Variants in CTNNA2 observed in about 807,000 individuals in gnomAD.
CTNNA2 encodes catenin alpha 2, also known as catenin alpha-2.
In CTNNA2, 42 loss-of-function variants were observed where a neutral mutation model predicts 101.0. The observed-to-expected ratio is 0.42, with a 90% CI of 0.32 to 0.54. CTNNA2 has a LOEUF of 0.54. CTNNA2 is among the 20% of genes least tolerant of loss of function. The pLI, the probability that CTNNA2 is intolerant of heterozygous loss-of-function variation, is 0.14. For missense variants in CTNNA2, 871 were observed against 1,223.1 expected (o/e 0.71, Z 4.29); for synonymous variants, 450 against 456.4 (o/e 0.99, Z 0.18).
rs1475686959 is a variant in CTNNA2 at position 79,207,530 on chromosome 2, G to A, written c.-406+9454G>A. 1.3e-5 allele frequency among the ~76,000 whole-genome samples: 2 copies of A among 152,114 alleles called. 1 individual carries two copies. Among genetic ancestry groups the A allele is most frequent in the East Asian group, 3.9e-4 (2 of 5,184 alleles). ...CTGTAGCCCAAATTACTATTACTTA[G>A]GTTATCACTCCAACACATAAAAATC... On this transcript the variant is annotated intron_variant, in intron 2 of 21. Transcript: ENST00000466387.
chr2:80,634,606 C>G (rs982502194), intron 18 of CTNNA2, among the ~76,000 whole-genome samples: 5 of 151,946 alleles, frequency 3.3e-5, no homozygotes, highest in Admixed American at 3.3e-4. Flanking sequence ...ATATTGAGTT[C>G]ATGTAACAGG....
At chr2:80,092,076 G>A (rs1321956276) in intron 7 of CTNNA2, among the ~76,000 whole-genome samples, 1 of 152,040 alleles carries the variant, frequency 6.6e-6, no homozygotes, top group Admixed American at 6.6e-5. Flanking sequence ...ATTAATAGAT[G>A]TGTGTGTAAA....
chr2:80,081,756 T>C (rs1234975770), intron 7 of CTNNA2, among the ~76,000 whole-genome samples: 1 of 145,248 alleles, frequency 6.9e-6, no homozygotes, highest in Non-Finnish European at 1.5e-5. Context: ...TCTCTTGCTC[T>C]CTTTCTCTAT....
intron 9 of CTNNA2, among the ~76,000 whole-genome samples, chr2:80,541,621 C>A (rs80214112): frequency 1.3e-5 from 2 of 152,216 alleles, no homozygotes; most frequent in East Asian, 3.9e-4. Flanking sequence ...GCTCTAAGTC[C>A]CACAGGGTCG....
chr2:79,236,672 A>G (rs972714286), intron 2 of CTNNA2, among the ~76,000 whole-genome samples: 4 of 152,206 alleles, frequency 2.6e-5, no homozygotes, highest in Non-Finnish European at 5.9e-5. Context: ...AAGTTTATGT[A>G]ATATTCTAAA....
intron 7 of CTNNA2, among the ~76,000 whole-genome samples, chr2:80,086,180 G>A (rs1048740082): frequency 1.3e-5 from 2 of 151,928 alleles, no homozygotes; most frequent in African/African-American, 4.8e-5. Flanking sequence ...GCATTAGTGG[G>A]TACTCAAAAA....
intron 2 of CTNNA2, among the ~76,000 whole-genome samples, chr2:79,714,667 A>C (rs1157270129): frequency 6.6e-6 from 1 of 152,180 alleles, no homozygotes; most frequent in African/African-American, 2.4e-5. Flanking sequence ...CTTCAAGGAT[A>C]TCTGTGTAGG....
At chr2:79,477,225 C>G (rs1242897975) in intron 4 of CTNNA2, among the ~76,000 whole-genome samples, 1 of 143,520 alleles carries the variant, frequency 7.0e-6, no homozygotes, top group Non-Finnish European at 1.5e-5. Flanking sequence ...GGCTGGAGTA[C>G]AGTGGCGCAA....
intron 7 of CTNNA2, among the ~76,000 whole-genome samples, chr2:79,942,471 A>G (rs1688223856): frequency 6.6e-6 from 1 of 152,190 alleles, no homozygotes; most frequent in Non-Finnish European, 1.5e-5. Context: ...AAAAGGGAAA[A>G]CATTATTGTA....
intron 1 of CTNNA2, among the ~76,000 whole-genome samples, chr2:79,607,946 G>T (rs1678005010): frequency 6.6e-6 from 1 of 151,494 alleles, no homozygotes; most frequent in African/African-American, 2.4e-5. Flanking sequence ...AAGAAAAACA[G>T]CAGAGAAAAT....
At chr2:80,245,911 C>A (rs1671295882) in intron 7 of CTNNA2, among the ~76,000 whole-genome samples, 1 of 146,194 alleles carries the variant, frequency 6.8e-6, no homozygotes, top group Admixed American at 7.0e-5. Context: ...TCTCCTGCCT[C>A]AGCCTTCCGA....
intron 4 of CTNNA2, among the ~76,000 whole-genome samples, chr2:79,398,245 C>T (rs143063923): frequency 6.6e-5 from 10 of 152,212 alleles, no homozygotes; most frequent in Non-Finnish European, 1.0e-4. Context: ...GGGATACGGA[C>T]GAGCTGTAGT....
chr2:79,195,431 C>A (rs911886582), intron 1 of CTNNA2, among the ~76,000 whole-genome samples: 2 of 152,162 alleles, frequency 1.3e-5, no homozygotes, highest in African/African-American at 4.8e-5. Context: ...TTTGTCCAAC[C>A]TAAAGCTTGT....
intron 7 of CTNNA2, among the ~76,000 whole-genome samples, chr2:79,928,648 A>G (rs1439298110): frequency 3.3e-5 from 5 of 152,182 alleles, no homozygotes; most frequent in African/African-American, 7.2e-5. Context: ...CCAATTTCCA[A>G]TCAGCCTGAA....
Position 80,520,866 on chromosome 2 carries a change from G to A in CTNNA2, c.1291-24116G>A, listed in dbSNP as rs75190264. Among the ~76,000 whole-genome samples, 142 of 152,308 alleles carry A rather than the reference G, an allele frequency of 9.3e-4. No homozygotes were observed. In the Middle Eastern group the frequency reaches 0.017, roughly 18 times the overall value. ...TGGCCTACACTGCCAGAGTTTGTCA[G>A]TAAAAAAGAGTGGTATTTTCTGTGA... is the stretch of plus-strand genomic sequence containing the variant. On this transcript the variant is annotated intron_variant, in intron 9 of 18. Transcript: ENST00000402739.
At chr2:80,289,272 G>C (rs1022824808) in intron 7 of CTNNA2, 1 of 152,158 alleles carries the variant, frequency 6.6e-6, no homozygotes, top group Non-Finnish European at 1.5e-5. Context: ...AGCATCTGTA[G>C]TGGCTAAGGG....
In CTNNA2 at chr2:80,362,260, C is replaced by T. The variant is rs182625845; in HGVS notation, c.1057-30951C>T. 2.3e-3 allele frequency among the ~76,000 whole-genome samples: 355 copies of T among 152,068 alleles called. 4 individuals carry two copies. Among genetic ancestry groups the T allele is most frequent in the Admixed American group, 6.9e-3 (106 of 15,262 alleles). On this transcript the variant is annotated intron_variant, in intron 7 of 18. Transcript: ENST00000402739. Reference sequence around the variant, plus strand: ...AGACACTCCTCCATTATAAGGCTGGCAAGAGGCTTATTTAACTTTGAAAAA... The same window carrying T: ...AGACACTCCTCCATTATAAGGCTGGTAAGAGGCTTATTTAACTTTGAAAAA...
chr2:80,105,119 T>A (rs1412093386), intron 7 of CTNNA2, among the ~76,000 whole-genome samples: 1 of 152,162 alleles, frequency 6.6e-6, no homozygotes, highest in Non-Finnish European at 1.5e-5. Flanking sequence ...CTAAATGAAA[T>A]AATTTCAGTC....
chr2:79,196,861 A>T (rs1322834668), intron 1 of CTNNA2, among the ~76,000 whole-genome samples: 1 of 152,282 alleles, frequency 6.6e-6, no homozygotes, highest in East Asian at 1.9e-4. Context: ...GTTTTGCAGG[A>T]TTATTGTTTA....
Sources: gnomAD v4.1 joint callset for allele counts (sites outside exome capture counted in the v4.1 genomes callset) on GRCh38, gnomAD v4.1.1 for gene constraint, MANE v1.5 for transcripts, NCBI Gene and HGNC (gene_info 2026-07-23, HGNC 2026-07-21) for gene names.